The following STK3 variants were observed in gnomAD, a reference collection of about 807,000 sequenced individuals.
The protein encoded by STK3 is serine/threonine kinase 3.
A neutral mutation model predicts 58.0 loss-of-function variants in STK3; 41 were observed. The observed-to-expected ratio is 0.71, with a 90% CI of 0.55 to 0.92. The LOEUF is 0.92. Among genes scored for constraint, STK3 ranks in the 40% least tolerant of loss-of-function variants. STK3 has a pLI of 0.00. For missense variants in STK3, 479 were observed against 602.7 expected (o/e 0.79, Z 2.15); for synonymous variants, 170 against 191.0 (o/e 0.89, Z 0.91).
At chr8:98,894,064 G>A (rs547348482) in intron 1 of STK3, among the ~76,000 whole-genome samples, 62 of 152,260 alleles carry the variant, frequency 4.1e-4, no homozygotes, top group Non-Finnish European at 6.3e-4. Context: ...TCAATCACCC[G>A]GTGATGTTTC....
chr8:98,351,109 CAACATA>C, the STK3 span, among the ~76,000 whole-genome samples: 7 of 152,158 alleles, frequency 4.6e-5, no homozygotes, highest in Non-Finnish European at 1.0e-4. Flanking sequence ...AACTGACTTT[CAACATA>C]AACATAAAGG....
intron 1 of STK3, chr8:98,904,860 G>A (rs1348145268): frequency 8.9e-6 from 6 of 675,670 alleles, no homozygotes; most frequent in Non-Finnish European, 1.7e-5. Context: ...TTAGGGATTA[G>A]CAGAAGTAGA....
At chr8:98,889,431 C>T (rs191252762) in intron 1 of STK3, among the ~76,000 whole-genome samples, 173 of 152,300 alleles carry the variant, frequency 1.1e-3, no homozygotes, top group Middle Eastern at 3.4e-3. Context: ...AACTACATTT[C>T]CCAAAGTTCT....
At chr8:98,829,539 C>T (rs1036131733), upstream of STK3, among the ~76,000 whole-genome samples, 2 of 152,156 alleles carry the variant, frequency 1.3e-5, no homozygotes, top group Non-Finnish European at 2.9e-5. Context: ...ACTAGGCCTC[C>T]ATTTTCTCAT....
At chr8:98,349,827 C>T in the STK3 span, among the ~76,000 whole-genome samples, 3 of 152,276 alleles carry the variant, frequency 2.0e-5, no homozygotes, top group South Asian at 6.2e-4. Context: ...CACCAAATCC[C>T]TAGACTGCAC....
intron 1 of STK3, among the ~76,000 whole-genome samples, chr8:98,803,451 G>A (rs892824093): frequency 3.3e-5 from 5 of 151,736 alleles, no homozygotes; most frequent in Admixed American, 1.3e-4. Flanking sequence ...AAAATTAGCC[G>A]GGCATGGTAG....
intron 3 of STK3, among the ~76,000 whole-genome samples, chr8:98,406,077 G>T (rs1487920753): frequency 6.6e-6 from 1 of 152,002 alleles, no homozygotes; most frequent in African/African-American, 2.4e-5. Context: ...TGTTCCCATT[G>T]TACACCACTC....
intron 10 of STK3, among the ~76,000 whole-genome samples, chr8:98,478,486 A>T (rs1380914250): frequency 6.6e-6 from 1 of 152,224 alleles, no homozygotes; most frequent in African/African-American, 2.4e-5. Flanking sequence ...TTTCCAAGCC[A>T]GATGCCTGGA....
intron 1 of STK3, among the ~76,000 whole-genome samples, chr8:98,923,758 A>C (rs1160683291): frequency 6.6e-6 from 1 of 152,002 alleles, no homozygotes. Context: ...AAATGTGTAT[A>C]TGGAATAAAG....
In STK3 at chr8:98,836,205, G is replaced by GA. The variant is rs968035211; in HGVS notation, c.110+47441dup. Among the ~76,000 whole-genome samples the GA allele has an allele frequency of 5.6e-3, 812 of 144,810 alleles. 7 individuals are homozygous for GA. The highest frequency in any genetic ancestry group is 0.022 in the East Asian group (109 of 4,998). On this transcript the variant is annotated intron_variant, in intron 3 of 12. Coordinates refer to the STK3 transcript ENST00000523601. ...AACAGAGTAAGACTCTGTCTCAACA[G>GA]AAAAAAAAAAACCCACAAGAGAAAT...
rs1833465532 is a variant in STK3, at chr8:98,800,535, CT to C, written c.26+24979del. The stretch of plus-strand genomic sequence containing the variant: ...GCCGCTGCACTGTGGGAGCCCCTCT[CT>C]GGGCTGGCCAAGGCCGGAGCCGGCT... On this transcript the variant is annotated intron_variant, in intron 1 of 10. Coordinates refer to ENST00000419617, the MANE Select transcript of STK3 (RefSeq NM_006281.4). The surrounding 1 kb of genome is among the most constrained non-coding windows in gnomAD (Gnocchi z 4.8). Among the ~76,000 whole-genome samples, 1 of 152,270 alleles carries C rather than the reference CT, an allele frequency of 6.6e-6. No homozygotes were observed. The highest frequency in any genetic ancestry group is 1.5e-5 in the Non-Finnish European group (1 of 68,050).
At chr8:98,633,524 G>C in intron 6 of STK3, 1 of 694,894 alleles carries the variant, frequency 1.4e-6, no homozygotes, top group Non-Finnish European at 2.7e-6. Flanking sequence ...TCAGGACTGA[G>C]TGCAAGTAAC....
At chr8:98,695,643 G>A (rs944462932) in intron 6 of STK3, among the ~76,000 whole-genome samples, 1 of 152,146 alleles carries the variant, frequency 6.6e-6, no homozygotes, top group Non-Finnish European at 1.5e-5. Context: ...GTTTCTCAAA[G>A]ATCAGATAGT....
chr8:98,373,220 C>T (rs1817629460), intron 2 of STK3, among the ~76,000 whole-genome samples: 1 of 152,074 alleles, frequency 6.6e-6, no homozygotes, highest in Non-Finnish European at 1.5e-5. Flanking sequence ...TGTTTTTGAG[C>T]CATATCAGTG....
intron 6 of STK3, among the ~76,000 whole-genome samples, chr8:98,623,447 C>T (rs564547627): frequency 1.3e-5 from 2 of 152,126 alleles, no homozygotes; most frequent in South Asian, 4.2e-4. Flanking sequence ...GACTTGTGTC[C>T]TTATAAGAAG....
intron 7 of STK3, among the ~76,000 whole-genome samples, chr8:98,582,915 C>T (rs549263430): frequency 6.6e-6 from 1 of 151,942 alleles, no homozygotes; most frequent in Non-Finnish European, 1.5e-5. Flanking sequence ...TTAGAGCAAC[C>T]TCTTATGTCT....
chr8:98,590,063 G>T (rs542976011), intron 7 of STK3, among the ~76,000 whole-genome samples: 1 of 152,200 alleles, frequency 6.6e-6, no homozygotes, highest in Non-Finnish European at 1.5e-5. Context: ...TGTCTTCTGC[G>T]GCGCTCATGC....
intron 3 of STK3, among the ~76,000 whole-genome samples, chr8:98,407,761 C>T (rs1050517070): frequency 1.8e-4 from 26 of 146,418 alleles, no homozygotes; most frequent in African/African-American, 4.0e-4. Context: ...TGTGTGTGCG[C>T]GCGCGCGCGC....
intron 9 of STK3, among the ~76,000 whole-genome samples, chr8:98,538,020 TA>T (rs1426091567): frequency 6.6e-6 from 1 of 152,132 alleles, no homozygotes; most frequent in Non-Finnish European, 1.5e-5. Flanking sequence ...AAGTAATTTT[TA>T]AAAATACTTT....
Sources: gnomAD v4.1 joint callset for allele counts (sites outside exome capture counted in the v4.1 genomes callset) on GRCh38, gnomAD v4.1.1 for gene constraint, Gnocchi (gnomAD v3.1) non-coding constraint, MANE v1.5 for transcripts, NCBI Gene and HGNC (gene_info 2026-07-23, HGNC 2026-07-21) for gene names.